DGKB: variants seen among roughly 807,000 people sequenced by gnomAD.
DGKB encodes the protein diacylglycerol kinase beta.
Under a neutral mutation model 114.3 loss-of-function variants are expected in DGKB, and 67 were observed. The ratio of observed to expected loss-of-function variants is 0.59; its 90% CI spans 0.48 to 0.72. DGKB has a LOEUF of 0.72. Among genes scored for constraint, DGKB ranks in the 30% least tolerant of loss-of-function variants. The pLI is 0.00. For missense variants in DGKB, 907 were observed against 975.2 expected, an observed-to-expected ratio of 0.93 and a Z score of 0.93; for synonymous variants, 398 against 323.1, an observed-to-expected ratio of 1.23 and a Z score of -2.49.
At chr7:14,625,442 G>C (rs1482531111) in intron 14 of DGKB, among the ~76,000 whole-genome samples, 6 of 152,080 alleles carry the variant, frequency 3.9e-5, no homozygotes, top group Non-Finnish European at 8.8e-5. Flanking sequence ...GCTTTTTTGG[G>C]AAGGTAAATT....
At chr7:14,447,062 A>G (rs1355826546) in intron 21 of DGKB, among the ~76,000 whole-genome samples, 1 of 152,170 alleles carries the variant, frequency 6.6e-6, no homozygotes, top group African/African-American at 2.4e-5. Context: ...TTATCATTGT[A>G]GTTTTGGCAA....
chr7:14,732,701 G>A (rs569188004), intron 5 of DGKB, among the ~76,000 whole-genome samples: 99 of 152,226 alleles, frequency 6.5e-4, no homozygotes, highest in Non-Finnish European at 1.0e-3. Flanking sequence ...TTCCTTTCAT[G>A]TAGTCTGTGT....
chr7:14,842,758 C>T (rs1056500678), intron 1 of DGKB, among the ~76,000 whole-genome samples: 5 of 151,544 alleles, frequency 3.3e-5, no homozygotes, highest in Middle Eastern at 3.2e-3. Context: ...CATTACACAC[C>T]TGTCTCCCAG....
intron 21 of DGKB, among the ~76,000 whole-genome samples, chr7:14,461,226 C>T (rs949567052): frequency 2.0e-5 from 3 of 151,804 alleles, no homozygotes; most frequent in Non-Finnish European, 4.4e-5. Context: ...CAAAAGCTAG[C>T]AGAAGACAAG....
chr7:14,423,170 C>T (rs140800538), intron 21 of DGKB, among the ~76,000 whole-genome samples: 7 of 152,078 alleles, frequency 4.6e-5, no homozygotes, highest in East Asian at 3.9e-4. Context: ...GAAAACTATA[C>T]GGTAAGATAG....
intron 21 of DGKB, among the ~76,000 whole-genome samples, chr7:14,407,884 C>A (rs1258340085): frequency 6.6e-6 from 1 of 151,360 alleles, no homozygotes. Context: ...GACTAATGTT[C>A]AAAAAAAACC....
chr7:14,887,454 C>G (rs1409402732), intron 1 of DGKB, among the ~76,000 whole-genome samples: 1 of 151,776 alleles, frequency 6.6e-6, no homozygotes, highest in Admixed American at 6.6e-5. Context: ...TAGCATTGGA[C>G]CTTCTTCTCT....
At chr7:14,864,529 G>A (rs1317657674) in intron 1 of DGKB, among the ~76,000 whole-genome samples, 1 of 152,146 alleles carries the variant, frequency 6.6e-6, no homozygotes, top group African/African-American at 2.4e-5. Flanking sequence ...TAAATGTTAT[G>A]TATGTATTTT....
intron 2 of DGKB, among the ~76,000 whole-genome samples, chr7:14,775,161 A>G (rs1837967346): frequency 6.6e-6 from 1 of 151,924 alleles, no homozygotes; most frequent in South Asian, 2.1e-4. Context: ...TAGGGATTAC[A>G]TGGCATTTTG....
intron 1 of DGKB, among the ~76,000 whole-genome samples, chr7:14,934,507 G>A (rs778141922): frequency 2.0e-5 from 3 of 151,944 alleles, no homozygotes; most frequent in African/African-American, 7.2e-5. Flanking sequence ...TCATTTTAGG[G>A]TTAAGCTATT....
intron 23 of DGKB, among the ~76,000 whole-genome samples, chr7:14,285,442 A>G (rs1420601637): frequency 6.6e-6 from 1 of 152,208 alleles, no homozygotes; most frequent in African/African-American, 2.4e-5. Context: ...CATCCTGTTC[A>G]TCTTTCTCAA....
At chr7:14,651,009 C>G (rs186997160) in intron 13 of DGKB, among the ~76,000 whole-genome samples, 1 of 152,066 alleles carries the variant, frequency 6.6e-6, no homozygotes, top group Non-Finnish European at 1.5e-5. Context: ...TAATCAATAG[C>G]TTACCAACCA....
intron 13 of DGKB, among the ~76,000 whole-genome samples, chr7:14,632,851 T>G (rs766826280): frequency 6.6e-6 from 1 of 151,888 alleles, no homozygotes; most frequent in Admixed American, 6.6e-5. Flanking sequence ...ATATTTCAAT[T>G]AGAGCAGAAG....
intron 1 of DGKB, among the ~76,000 whole-genome samples, chr7:14,894,254 T>C (rs1199585800): frequency 6.6e-6 from 1 of 151,436 alleles, no homozygotes; most frequent in African/African-American, 2.4e-5. Flanking sequence ...TTTTCCTCTT[T>C]TAACATACGT....
chr7:14,543,896 G>T (rs1039480615), intron 20 of DGKB, among the ~76,000 whole-genome samples: 1 of 152,110 alleles, frequency 6.6e-6, no homozygotes, highest in Non-Finnish European at 1.5e-5. Flanking sequence ...TATAACAAGG[G>T]ACAGGTAGAG....
rs201007068 is a variant in DGKB, at chr7:14,274,979, G to A, written c.2122+63536C>T. ...TGTGTGTGTGTGTGTGTGTGTTTGT[G>A]TGTGCGTGTTATAAATGTGATTTCT... is the stretch of plus-strand genomic sequence containing the variant. On this transcript the variant is annotated intron_variant, in intron 23 of 25. Transcript: ENST00000402815. Among the ~76,000 whole-genome samples the A allele has an allele frequency of 1.6e-3, 248 of 151,636 alleles. 9 individuals carry two copies. Among genetic ancestry groups the A allele is most frequent in the Admixed American group, 0.014 (220 of 15,242 alleles).
At chr7:14,720,096 G>A (rs1167805883) in intron 5 of DGKB, among the ~76,000 whole-genome samples, 3 of 149,986 alleles carry the variant, frequency 2.0e-5, no homozygotes, top group Admixed American at 6.7e-5. Flanking sequence ...ACACACACAC[G>A]CACGCACGCA....
At chr7:14,666,081 C>T (rs967822694) in intron 13 of DGKB, among the ~76,000 whole-genome samples, 3 of 151,620 alleles carry the variant, frequency 2.0e-5, no homozygotes, top group African/African-American at 7.3e-5. Context: ...CATCATAGTT[C>T]AATGTTAGTA....
chr7:14,883,372 G>A (rs1854538327), intron 1 of DGKB, among the ~76,000 whole-genome samples: 1 of 151,918 alleles, frequency 6.6e-6, no homozygotes, highest in Admixed American at 6.6e-5. Context: ...GGAGCACAGT[G>A]GTAATGTTTG....
Sources: allele counts gnomAD v4.1 joint callset (sites outside exome capture counted in the v4.1 genomes callset), GRCh38; gene constraint gnomAD v4.1.1; transcripts MANE v1.5; gene names NCBI Gene and HGNC (gene_info 2026-07-23, HGNC 2026-07-21).